The following MYO1G variants were observed in gnomAD, a reference collection of about 807,000 sequenced individuals.
The protein encoded by MYO1G is unconventional myosin-Ig.
A neutral mutation model predicts 115.3 loss-of-function variants in MYO1G; 65 were observed. That is an observed-to-expected ratio of 0.56 (90% CI 0.46 to 0.69). The LOEUF (loss-of-function observed/expected upper bound fraction) is 0.69, where lower values mean the gene tolerates loss of function less well. Among genes scored for constraint, MYO1G ranks in the 30% least tolerant of loss-of-function variants. The probability of loss-of-function intolerance (pLI) is 0.00; values close to 1 mark genes in which losing one functional copy is unlikely to be tolerated. For synonymous variants in MYO1G, 510 were observed against 552.6 expected, an observed-to-expected ratio of 0.92 and a Z score of 1.08; for missense variants, 1,204 against 1,393.5, an observed-to-expected ratio of 0.86 and a Z score of 2.16.
chr7:44,969,405 G>A lies in MYO1G; in HGVS notation c.1574+8C>T. The A allele has an allele frequency of 2.5e-6, 4 of 1,613,668 alleles. No homozygotes were observed. Among genetic ancestry groups the A allele is most frequent in the Non-Finnish European group, 2.5e-6 (3 of 1,179,810 alleles). Reference sequence around the variant, plus strand: ...AAGCCAGGGATGTGGGTGGGAGGGGGCCCTTACGTGACGTCCCCTGCATAG... The same window carrying A: ...AAGCCAGGGATGTGGGTGGGAGGGGACCCTTACGTGACGTCCCCTGCATAG... On this transcript the variant is annotated splice_region_variant and intron_variant, in intron 12 of 21. Transcript: ENST00000258787. The surrounding 1 kb of genome is among the most constrained non-coding windows in gnomAD (Gnocchi z 5.0).
rs370232234 is a variant in MYO1G at position 44,964,409 on chromosome 7, T to A, written c.2631+6A>T. ...GCCCTGAAGCCATCCTTGTCCCTTG[T>A]CTAACCTTGCGGACATGGCTTGAAA... On this transcript the variant is annotated splice_donor_region_variant and intron_variant, in intron 19 of 21. Transcript: ENST00000258787. The surrounding 1 kb of genome is among the most constrained non-coding windows in gnomAD (Gnocchi z 5.1). 183 of 1,611,368 alleles carry A rather than the reference T, an allele frequency of 1.1e-4. No homozygotes were observed. Among genetic ancestry groups the A allele is most frequent in the Non-Finnish European group, 1.5e-4 (177 of 1,177,712 alleles).
Position 44,965,692 on chromosome 7 carries a change from G to A in MYO1G, c.2326C>T (p.Leu776=). Residue 776 remains leucine, a synonymous_variant, in exon 17 of 22, where the codon CTG becomes TTG. Transcript: ENST00000258787. Reference sequence around the variant, plus strand: ...AAGGGCTGCAGCACAGCAGGGGGCAGCGGCCACACAAGGTCACGCCCGTAG... The same window carrying A: ...AAGGGCTGCAGCACAGCAGGGGGCAACGGCCACACAAGGTCACGCCCGTAG... ...PLYGRDLVWP[L]PPAVLQPFQD... The A allele has an allele frequency of 6.2e-7, 1 of 1,613,416 alleles. No individual in the cohort carries two copies. The highest frequency in any genetic ancestry group is 8.5e-7 in the Non-Finnish European group (1 of 1,180,032).
intron 1 of MYO1G, among the ~76,000 whole-genome samples, 159 bp from the exon 2 acceptor site, chr7:44,977,230 G>A (rs1192565815): frequency 3.3e-5 from 5 of 152,222 alleles, no homozygotes; most frequent in Non-Finnish European, 7.3e-5. Context: ...TTGACCTTGC[G>A]TCTCCCTGGT....
chr7:44,970,463 C>A, intron 9 of MYO1G, 129 bp downstream of exon 9: 1 of 1,284,990 alleles, frequency 7.8e-7, no homozygotes, highest in Non-Finnish European at 1.1e-6. Context: ...AGGCATGAGC[C>A]TTGGGCCCAG....
intron 4 of MYO1G, 77 bp from the exon 5 acceptor site, chr7:44,975,304 T>C: frequency 2.6e-6 from 4 of 1,555,592 alleles, no homozygotes; most frequent in Middle Eastern, 3.4e-4. Flanking sequence ...CATTCCCAGG[T>C]GCAAGGCAGG....
At chr7:44,967,094 G>A (rs926330087) in intron 14 of MYO1G, among the ~76,000 whole-genome samples, 4 of 152,152 alleles carry the variant, frequency 2.6e-5, no homozygotes, top group African/African-American at 7.2e-5. Flanking sequence ...AGCAGGCCTC[G>A]CCCCATCTGC....
intron 5 of MYO1G, chr7:44,974,279 G>A (rs911224956): frequency 2.6e-5 from 4 of 151,350 alleles, no homozygotes; most frequent in African/African-American, 9.7e-5. Flanking sequence ...AGACCCTGGA[G>A]ACCCTGCCCG....
intron 1 of MYO1G, among the ~76,000 whole-genome samples, chr7:44,977,596 C>T (rs963782275): frequency 1.4e-5 from 2 of 147,758 alleles, no homozygotes; most frequent in Admixed American, 6.7e-5. Context: ...GTTGTCTTTA[C>T]ACCCCCGACC....
chr7:44,970,271 C>A, intron 9 of MYO1G, 117 bp from the exon 10 acceptor site: 2 of 787,276 alleles, frequency 2.5e-6, no homozygotes, highest in South Asian at 1.6e-5. Context: ...GGTGCCAGCA[C>A]CCTGTGTGGC....
Position 44,967,047 on chromosome 7 carries a change from G to C in MYO1G, c.1783-209C>G, listed in dbSNP as rs187387191. Reference sequence around the variant, plus strand: ...GGTTCAGAGCCAGGTTCCAGCCCCTGGTCGGGGGGTGGGGAGGTGGGCGTG... The same window carrying C: ...GGTTCAGAGCCAGGTTCCAGCCCCTCGTCGGGGGGTGGGGAGGTGGGCGTG... On this transcript the variant is annotated intron_variant, in intron 14 of 21. Coordinates refer to ENST00000258787, the MANE Select transcript of MYO1G (RefSeq NM_033054.3). Among the ~76,000 whole-genome samples, 145 of 152,348 alleles carry C rather than the reference G, an allele frequency of 9.5e-4. 2 individuals are homozygous for C. Among genetic ancestry groups the C allele is most frequent in the African/African-American group, 3.4e-3 (141 of 41,584 alleles).
intron 1 of MYO1G, among the ~76,000 whole-genome samples, chr7:44,977,293 G>A (rs1795074124): frequency 6.6e-6 from 1 of 152,248 alleles, no homozygotes; most frequent in African/African-American, 2.4e-5. Flanking sequence ...GCGGCATAGA[G>A]TTTGGGGTCC....
chr7:44,975,302 G>A, intron 4 of MYO1G, 75 bp from the exon 5 acceptor site: 1 of 1,569,596 alleles, frequency 6.4e-7, no homozygotes, highest in Non-Finnish European at 8.8e-7. Flanking sequence ...AACATTCCCA[G>A]GTGCAAGGCA....
In MYO1G at chr7:44,969,166, A is replaced by C; in HGVS notation, c.1574+247T>G. ...GTATAGGGTTGGGCCCAGACATGAG[A>C]CGTGGGTATTTTTTAAAGGCTCCCA... On this transcript the variant is annotated intron_variant, in intron 12 of 21. Transcript: ENST00000258787. This position sits in a 1 kb window ranked among gnomAD's most constrained non-coding sequence, Gnocchi z 5.0. 2.2e-6 allele frequency: 1 copy of C among 453,208 alleles called. No individual in the cohort carries two copies. The highest frequency in any genetic ancestry group is 4.3e-5 in the East Asian group (1 of 23,118). 28.1% of individuals were successfully genotyped at this position (453,208 alleles called of 1,614,324 possible).
rs1334878062 is a variant in MYO1G at position 44,966,429 on chromosome 7, CACATGTCCTCACAT to C, written c.1950-163_1950-150del. 9.8e-6 allele frequency: 8 copies of C among 817,872 alleles called. No homozygotes were observed. The highest frequency in any genetic ancestry group is 8.4e-5 in the African/African-American group (5 of 59,282). The allele number at this position is 817,872 out of a possible 1,614,324, so 50.7% of individuals were successfully genotyped here. ...ACCTGTGCACATATGTCTTCCCATA[CACATGTCCTCACAT>C]ACATGTCCTCACACAGCCCTCATAC... On this transcript the variant is annotated intron_variant, in intron 15 of 21. Transcript: ENST00000258787. The surrounding 1 kb of genome is among the most constrained non-coding windows in gnomAD (Gnocchi z 5.0).
intron 3 of MYO1G, 89 bp downstream of exon 3, chr7:44,976,475 G>C: frequency 7.9e-7 from 1 of 1,272,836 alleles, no homozygotes. Flanking sequence ...TCCAGTTGCC[G>C]TCTCTCACTC....
Position 44,966,318 on chromosome 7 carries a change from GGGGA to G in MYO1G, c.1950-42_1950-39del, listed in dbSNP as rs749312007. The G allele has an allele frequency of 6.5e-6, 10 of 1,543,282 alleles. No homozygotes were observed. The Admixed American group carries it at 7.6e-5, about 12-fold the overall frequency. ...GACAGGGCAGTGTGGCCCAGGCCTGGGGGAGAGATGATGGAGCCCACCCTGCCCA... is the reference window on the plus strand; with the variant it reads ...GACAGGGCAGTGTGGCCCAGGCCTGGGAGATGATGGAGCCCACCCTGCCCA... On this transcript the variant is annotated intron_variant, in intron 15 of 21. Transcript: ENST00000258787. This position sits in a 1 kb window ranked among gnomAD's most constrained non-coding sequence, Gnocchi z 5.0.
At chr7:44,974,785 G>A (rs531530339) in intron 5 of MYO1G, 4 of 274,014 alleles carry the variant, frequency 1.5e-5, no homozygotes, top group African/African-American at 8.6e-5. Context: ...GGTGCTCAGA[G>A]TCAATGCCCG....
At position 44,962,959 on chromosome 7, in the gene MYO1G, C is replaced by A; in HGVS notation, c.2900+11G>T. The A allele has an allele frequency of 6.5e-7, 1 of 1,528,652 alleles. No homozygotes were observed. Among genetic ancestry groups the A allele is most frequent in the Non-Finnish European group, 8.8e-7 (1 of 1,141,932 alleles). The allele number at this position is 1,528,652 out of a possible 1,614,324, so 94.7% of individuals were successfully genotyped here. A position where few individuals can be genotyped will look rare whatever the true frequency, so the allele number is the denominator to read the frequency against. On this transcript the variant is annotated intron_variant, in intron 21 of 21. Transcript: ENST00000258787. The surrounding 1 kb of genome is among the most constrained non-coding windows in gnomAD (Gnocchi z 5.3). ...GGGCTTCGTGCCCGCTACCGCCCAG[C>A]CTGCACTCACCCCTGGCAGTGTGCG... is the stretch of plus-strand genomic sequence containing the variant.
chr7:44,969,595 T>A lies in MYO1G; in HGVS notation c.1503+110A>T. 1 of 1,576,778 alleles carries A rather than the reference T, an allele frequency of 6.3e-7. No homozygotes were observed. Among genetic ancestry groups the A allele is most frequent in the Non-Finnish European group, 8.7e-7 (1 of 1,150,022 alleles). ...GAGAAGGTTGCCACAGTGACGACAA[T>A]GGCACCAAAGCTGGGTCCCCAACCA... On this transcript the variant is annotated intron_variant, in intron 11 of 21. Transcript: ENST00000258787. The surrounding 1 kb of genome is among the most constrained non-coding windows in gnomAD (Gnocchi z 5.0).
Sources: allele counts gnomAD v4.1 joint callset (sites outside exome capture counted in the v4.1 genomes callset), GRCh38; gene constraint gnomAD v4.1.1; non-coding constraint Gnocchi (gnomAD v3.1); transcripts MANE v1.5; gene names NCBI Gene and HGNC (gene_info 2026-07-23, HGNC 2026-07-21).